The following TSPAN13 variants were observed in gnomAD, a reference collection of about 807,000 sequenced individuals.
TSPAN13 encodes tetraspanin 13.
In TSPAN13, 18 loss-of-function variants were observed where a neutral mutation model predicts 26.9. The ratio of observed to expected loss-of-function variants is 0.67; its 90% CI spans 0.46 to 0.99. TSPAN13 has a LOEUF of 0.99. Among genes scored for constraint, TSPAN13 ranks in the 50% least tolerant of loss-of-function variants. The pLI, the probability that TSPAN13 is intolerant of heterozygous loss-of-function variation, is 0.00. For synonymous variants in TSPAN13, 116 were observed against 98.4 expected, an observed-to-expected ratio of 1.18 and a Z score of -1.06; for missense variants, 201 against 249.6, an observed-to-expected ratio of 0.81 and a Z score of 1.31.
At chr7:16,769,582 T>A (rs1015022398) in intron 1 of TSPAN13, among the ~76,000 whole-genome samples, 9 of 152,038 alleles carry the variant, frequency 5.9e-5, no homozygotes, top group South Asian at 4.1e-4. Context: ...GTGAAAAAAA[T>A]TTTTTTTGGT....
chr7:16,776,911 C>A, intron 2 of TSPAN13, 131 bp from the exon 3 acceptor site: 1 of 484,294 alleles, frequency 2.1e-6, no homozygotes, highest in Non-Finnish European at 3.6e-6. Context: ...TTTGAACTTT[C>A]TCTAAGTGCC....
Position 16,763,166 on chromosome 7 carries a change from T to G in TSPAN13, c.63+9136T>G, listed in dbSNP as rs558539624. On this transcript the variant is annotated intron_variant, in intron 1 of 5. Transcript: ENST00000262067. ...ACATTCCTCTGGCTCATTGATTACC[T>G]TCTTTTGACGGCAGGGTAAGAAGCT... 4.1e-4 allele frequency among the ~76,000 whole-genome samples: 63 copies of G among 152,342 alleles called. No individual in the cohort carries two copies. In the South Asian group the frequency reaches 0.012, roughly 30 times the overall value.
At chr7:16,772,769 G>A (rs887374769) in intron 1 of TSPAN13, among the ~76,000 whole-genome samples, 24 of 152,162 alleles carry the variant, frequency 1.6e-4, no homozygotes, top group Non-Finnish European at 3.5e-4. Context: ...GCCGAGGCAG[G>A]TGGATCACCT....
rs1197754850 is a variant in TSPAN13, at chr7:16,777,025, T to G, written c.232-17T>G. 6.5e-7 allele frequency: 1 copy of G among 1,534,720 alleles called. No individual in the cohort carries two copies. The highest frequency in any genetic ancestry group is 9.0e-7 in the Non-Finnish European group (1 of 1,109,620). On this transcript the variant is annotated splice_polypyrimidine_tract_variant and intron_variant, in intron 2 of 5. Coordinates refer to ENST00000262067, the MANE Select transcript of TSPAN13 (RefSeq NM_014399.4). Reference sequence around the variant, plus strand: ...TTCTAAGAATATTTAGAAGTATCCTTAACTTCTAACTCTCAGTATATGATT... The same window carrying G: ...TTCTAAGAATATTTAGAAGTATCCTGAACTTCTAACTCTCAGTATATGATT...
chr7:16,760,256 A>T (rs1299909359), intron 1 of TSPAN13, among the ~76,000 whole-genome samples: 1 of 152,160 alleles, frequency 6.6e-6, no homozygotes, highest in Non-Finnish European at 1.5e-5. Context: ...GGGAGCATTG[A>T]GACTAGTTAC....
chr7:16,754,153 C>CA (rs1784454635), intron 1 of TSPAN13, 123 bp downstream of exon 1: 5 of 894,404 alleles, frequency 5.6e-6, no homozygotes, highest in South Asian at 3.0e-5. Context: ...CGGCTTCCCA[C>CA]GTCTGCGCGC....
At chr7:16,761,303 C>T (rs561501326) in intron 1 of TSPAN13, among the ~76,000 whole-genome samples, 2 of 152,282 alleles carry the variant, frequency 1.3e-5, no homozygotes, top group East Asian at 3.9e-4. Flanking sequence ...GTTTTAGCTT[C>T]AACACTCAAT....
chr7:16,768,115 T>C (rs1028142443), intron 1 of TSPAN13, among the ~76,000 whole-genome samples: 1 of 152,146 alleles, frequency 6.6e-6, no homozygotes, highest in Non-Finnish European at 1.5e-5. Context: ...GGTTTTACCA[T>C]GTTAGCCAGG....
intron 1 of TSPAN13, among the ~76,000 whole-genome samples, chr7:16,765,411 G>T (rs1447265686): frequency 6.6e-6 from 1 of 152,166 alleles, no homozygotes; most frequent in African/African-American, 2.4e-5. Context: ...GCCTGGCTGA[G>T]AATTTCTATG....
At chr7:16,772,530 C>T (rs1359813022) in intron 1 of TSPAN13, among the ~76,000 whole-genome samples, 1 of 152,078 alleles carries the variant, frequency 6.6e-6, no homozygotes, top group Non-Finnish European at 1.5e-5. Flanking sequence ...CTGCATTAGT[C>T]TCTGCCTCTT....
At chr7:16,764,414 C>G (rs557842492) in intron 1 of TSPAN13, among the ~76,000 whole-genome samples, 1 of 152,224 alleles carries the variant, frequency 6.6e-6, no homozygotes, top group South Asian at 2.1e-4. Context: ...ATTCTGTTTG[C>G]TAGAGTGATC....
At chr7:16,776,110 A>C (rs1327946240) in intron 1 of TSPAN13, 101 bp from the exon 2 acceptor site, 1 of 1,113,620 alleles carries the variant, frequency 9.0e-7, no homozygotes, top group Non-Finnish European at 1.3e-6. Flanking sequence ...GAGACTACGT[A>C]GGTGCCTGAA....
At chr7:16,779,726 A>C (rs1784793585) in intron 5 of TSPAN13, among the ~76,000 whole-genome samples, 1 of 151,006 alleles carries the variant, frequency 6.6e-6, no homozygotes, top group South Asian at 2.1e-4. Context: ...AAATATGTAC[A>C]TTTGGCTGTC....
intron 1 of TSPAN13, among the ~76,000 whole-genome samples, chr7:16,771,294 G>A (rs7780556): frequency 0.044 from 6,762 of 152,282 alleles, 532 homozygotes; most frequent in African/African-American, 0.15. Flanking sequence ...AGGATTCTGT[G>A]GTAGCTCAGT....
intron 4 of TSPAN13, among the ~76,000 whole-genome samples, chr7:16,778,286 T>G (rs1168698883): frequency 6.6e-6 from 1 of 152,242 alleles, no homozygotes; most frequent in Non-Finnish European, 1.5e-5. Flanking sequence ...CAGTGAGGCT[T>G]CTTTTGTGAG....
At chr7:16,772,981 G>A (rs1784698295) in intron 1 of TSPAN13, among the ~76,000 whole-genome samples, 1 of 151,898 alleles carries the variant, frequency 6.6e-6, no homozygotes, top group Non-Finnish European at 1.5e-5. Context: ...GGGTGAGAGA[G>A]CAAAACTCTG....
At chr7:16,757,430 G>A (rs548647141) in intron 1 of TSPAN13, among the ~76,000 whole-genome samples, 6 of 152,192 alleles carry the variant, frequency 3.9e-5, no homozygotes, top group East Asian at 1.9e-4. Context: ...ATTAAAATAC[G>A]TAATATTTTG....
intron 2 of TSPAN13, 54 bp downstream of exon 2, chr7:16,776,432 A>C: frequency 6.5e-7 from 1 of 1,537,516 alleles, no homozygotes. Context: ...TGATGGTTAC[A>C]ACTAATTTAA....
In TSPAN13 at chr7:16,776,286, G is replaced by T; in HGVS notation, c.139G>T (p.Gly47Cys). 6.2e-7 allele frequency: 1 copy of T among 1,613,958 alleles called. No homozygotes were observed. Residue 47 changes from glycine (G) to cysteine (C), a missense_variant, in exon 2 of 6, where the codon GGC (glycine) becomes TGC (cysteine). Transcript: ENST00000262067. ...GCTGATTTCCAGTCTCCGAGTGGTC[G>T]GCGTGGTCATTGCAGTGGGCATCTT... ...FGLISSLRVV[G>C]VVIAVGIFLF...
Sources: allele counts gnomAD v4.1 joint callset (sites outside exome capture counted in the v4.1 genomes callset), GRCh38; gene constraint gnomAD v4.1.1; transcripts MANE v1.5; gene names NCBI Gene and HGNC (gene_info 2026-07-23, HGNC 2026-07-21).